The following DYTN variants were observed in gnomAD, a reference collection of about 807,000 sequenced individuals.
DYTN encodes the protein dystrotelin.
A neutral mutation model predicts 69.6 loss-of-function variants in DYTN; 75 were observed. The ratio of observed to expected loss-of-function variants is 1.08; its 90% CI spans 0.89 to 1.31. The LOEUF is 1.31. Ranked by LOEUF, DYTN falls within the 50% of genes most tolerant of loss-of-function variation. The pLI is 0.00. For missense variants in DYTN, 726 were observed against 688.4 expected (o/e 1.05, Z -0.61); for synonymous variants, 252 against 249.1 (o/e 1.01, Z -0.11).
chr2:206,707,733 C>A (rs1700041579), intron 2 of DYTN, among the ~76,000 whole-genome samples: 1 of 152,078 alleles, frequency 6.6e-6, no homozygotes, highest in East Asian at 1.9e-4. Flanking sequence ...GTTAGTAAAG[C>A]ATAGTTGTAA....
At position 206,692,601 on chromosome 2, in the gene DYTN, C is replaced by A. The variant is rs186998461; in HGVS notation, c.980+574G>T. Among the ~76,000 whole-genome samples, 408 of 152,162 alleles carry A rather than the reference C, an allele frequency of 2.7e-3. 6 individuals are homozygous for A. In the Middle Eastern group the frequency reaches 0.027, roughly 10 times the overall value. On this transcript the variant is annotated intron_variant, in intron 9 of 11. Coordinates refer to ENST00000452335, the MANE Select transcript of DYTN (RefSeq NM_001093730.1). ...TTTGGGGGGCAACATTTGGAAATAG[C>A]CAAATGTTCAATAATGTATTGCTTG...
intron 2 of DYTN, among the ~76,000 whole-genome samples, chr2:206,708,780 G>C (rs1440869713): frequency 6.6e-6 from 1 of 152,090 alleles, no homozygotes; most frequent in African/African-American, 2.4e-5. Context: ...TTAAATTTTT[G>C]TTTGGATATC....
At chr2:206,681,483 C>T (rs924545563) in intron 9 of DYTN, among the ~76,000 whole-genome samples, 1 of 152,106 alleles carries the variant, frequency 6.6e-6, no homozygotes, top group Non-Finnish European at 1.5e-5. Flanking sequence ...CAGCTTTTGC[C>T]CATTCAGTAT....
At chr2:206,713,514 G>A (rs1167967389) in intron 1 of DYTN, among the ~76,000 whole-genome samples, 3 of 152,200 alleles carry the variant, frequency 2.0e-5, no homozygotes, top group African/African-American at 7.2e-5. Context: ...AAGCATAAAA[G>A]GAGATGATGC....
chr2:206,656,386 T>C (rs1282260011), intron 11 of DYTN, among the ~76,000 whole-genome samples: 1 of 152,106 alleles, frequency 6.6e-6, no homozygotes, highest in Non-Finnish European at 1.5e-5. Context: ...CTGAAGTGAG[T>C]CTTTTGTAGA....
At position 206,651,692 on chromosome 2, in the gene DYTN, A is replaced by G; in HGVS notation, c.*126T>C. The stretch of plus-strand genomic sequence containing the variant: ...AAGTAGGGAGGGAGATCAAAAAACA[A>G]AACCTGTTTTCTTCATAGTTCACAC... On this transcript the variant is annotated 3_prime_UTR_variant, in exon 12 of 12. Coordinates refer to ENST00000452335, the MANE Select transcript of DYTN (RefSeq NM_001093730.1). 1.1e-6 allele frequency: 1 copy of G among 870,722 alleles called. No individual in the cohort carries two copies. Among genetic ancestry groups the G allele is most frequent in the Non-Finnish European group, 1.8e-6 (1 of 569,326 alleles). 53.9% of individuals were successfully genotyped at this position (870,722 alleles called of 1,614,324 possible).
chr2:206,701,345 T>A (rs1458067846), intron 5 of DYTN, among the ~76,000 whole-genome samples: 1 of 152,218 alleles, frequency 6.6e-6, no homozygotes, highest in Non-Finnish European at 1.5e-5. Flanking sequence ...GGCACTCCCA[T>A]GTTCACTGTA....
At chr2:206,662,788 A>G in intron 11 of DYTN, 115 bp downstream of exon 11, 2 of 1,437,210 alleles carry the variant, frequency 1.4e-6, no homozygotes, top group South Asian at 1.4e-5. Context: ...ATAGATTCAG[A>G]GCACTGCTAC....
Position 206,671,143 on chromosome 2 carries a change from C to T in DYTN, c.981-5114G>A, listed in dbSNP as rs1699625166. On this transcript the variant is annotated intron_variant, in intron 9 of 11. Coordinates refer to ENST00000452335, the MANE Select transcript of DYTN (RefSeq NM_001093730.1). ...GACCTGACCCAGTCTGGCCCAGGCT[C>T]CTGGGGCACCATGTTCCAGCCCTTG... is the stretch of plus-strand genomic sequence containing the variant. Among the ~76,000 whole-genome samples, 5 of 152,144 alleles carry T rather than the reference C, an allele frequency of 3.3e-5. No individual in the cohort carries two copies. In the South Asian group the frequency reaches 1.0e-3, roughly 31 times the overall value.
chr2:206,690,979 C>T (rs536285590), intron 9 of DYTN, among the ~76,000 whole-genome samples: 2 of 152,002 alleles, frequency 1.3e-5, no homozygotes, highest in South Asian at 2.1e-4. Context: ...AGCCTAAAAA[C>T]GATGGGAAAA....
chr2:206,670,027 C>G (rs182874719), intron 9 of DYTN, among the ~76,000 whole-genome samples: 1 of 152,324 alleles, frequency 6.6e-6, no homozygotes, highest in East Asian at 1.9e-4. Context: ...AAAGGAATAA[C>G]AGCAGGAGCT....
chr2:206,711,297 GC>G (rs1700076449), intron 1 of DYTN, among the ~76,000 whole-genome samples: 2 of 152,170 alleles, frequency 1.3e-5, no homozygotes, highest in Admixed American at 1.3e-4. Flanking sequence ...ATCACCAATA[GC>G]AGTACAACAA....
chr2:206,668,087 C>T (rs1699593231), intron 9 of DYTN, among the ~76,000 whole-genome samples: 1 of 152,180 alleles, frequency 6.6e-6, no homozygotes, highest in Admixed American at 6.5e-5. Flanking sequence ...TGATGGGTTT[C>T]TCAGAAAGGA....
At chr2:206,717,638 T>C (rs1448147614) in intron 1 of DYTN, among the ~76,000 whole-genome samples, 5 of 152,246 alleles carry the variant, frequency 3.3e-5, no homozygotes, top group Non-Finnish European at 7.3e-5. Flanking sequence ...TCATTTATAA[T>C]GTTGTTTTAG....
intron 4 of DYTN, among the ~76,000 whole-genome samples, chr2:206,705,286 C>T (rs1700014492): frequency 6.6e-6 from 1 of 152,064 alleles, no homozygotes; most frequent in Non-Finnish European, 1.5e-5. Context: ...TTAGTAGAGA[C>T]AGGGTTTCTC....
intron 7 of DYTN, among the ~76,000 whole-genome samples, chr2:206,698,509 T>C (rs923124992): frequency 2.6e-5 from 4 of 152,166 alleles, no homozygotes; most frequent in African/African-American, 9.7e-5. Context: ...TTGCCTTGTA[T>C]TTAGCTACCT....
chr2:206,707,201 A>G lies in DYTN; in HGVS notation c.296+101T>C, dbSNP rs543895549. On this transcript the variant is annotated intron_variant, in intron 3 of 11. Transcript: ENST00000452335. The stretch of plus-strand genomic sequence containing the variant: ...AAAACAAACAAAGAAGACTTCTTAT[A>G]TACCAAACCTCAAGCAAATATTAGC... The G allele has an allele frequency of 5.7e-6, 8 of 1,405,018 alleles. No individual in the cohort carries two copies. In the South Asian group the frequency reaches 9.5e-5, roughly 17 times the overall value. 87.0% of individuals were successfully genotyped at this position (1,405,018 alleles called of 1,614,324 possible).
chr2:206,670,112 C>T lies in DYTN; in HGVS notation c.981-4083G>A, dbSNP rs113141942. On this transcript the variant is annotated intron_variant, in intron 9 of 11. Coordinates refer to ENST00000452335, the MANE Select transcript of DYTN (RefSeq NM_001093730.1). ...GACAGTTTCCATTCAGCCTAATAAA[C>T]CTAGTAGAAAGTTAGAATGCTGTTG... 1.3e-3 allele frequency among the ~76,000 whole-genome samples: 201 copies of T among 152,254 alleles called. 4 individuals are homozygous for T. The highest frequency in any genetic ancestry group is 4.6e-3 in the African/African-American group (193 of 41,546).
chr2:206,699,948 T>G, intron 6 of DYTN, 58 bp from the exon 7 acceptor site: 2 of 1,575,002 alleles, frequency 1.3e-6, no homozygotes, highest in Non-Finnish European at 1.7e-6. Context: ...ATTTTCATTT[T>G]CTTTTCTGAC....
Sources: gnomAD v4.1 joint callset for allele counts (sites outside exome capture counted in the v4.1 genomes callset) on GRCh38, gnomAD v4.1.1 for gene constraint, MANE v1.5 for transcripts, NCBI Gene and HGNC (gene_info 2026-07-23, HGNC 2026-07-21) for gene names.